Variants in RECK observed in about 807,000 individuals in gnomAD.
The protein encoded by RECK is reversion-inducing cysteine-rich protein with Kazal motifs.
In RECK, 69 loss-of-function variants were observed where a neutral mutation model predicts 115.1. That is an observed-to-expected ratio of 0.60 (90% CI 0.49 to 0.73). RECK has a LOEUF of 0.73. RECK is among the 30% of genes least tolerant of loss of function. The pLI, the probability that RECK is intolerant of heterozygous loss-of-function variation, is 0.00. For missense variants in RECK, 1,047 were observed against 1,203.7 expected, an observed-to-expected ratio of 0.87 and a Z score of 1.93; for synonymous variants, 414 against 419.7, an observed-to-expected ratio of 0.99 and a Z score of 0.17.
At chr9:36,099,831 T>C (rs539721001) in intron 10 of RECK, among the ~76,000 whole-genome samples, 1 of 152,266 alleles carries the variant, frequency 6.6e-6, no homozygotes, top group Non-Finnish European at 1.5e-5. Context: ...TAAATAGTTA[T>C]GGCCTCTGAG....
chr9:36,100,680 T>G (rs1247446655), intron 11 of RECK, 137 bp downstream of exon 11: 1 of 607,672 alleles, frequency 1.6e-6, no homozygotes, highest in Non-Finnish European at 2.9e-6. Flanking sequence ...GCTTTCCCAC[T>G]TTTTCCTCCT....
At position 36,121,669 on chromosome 9, in the gene RECK, A is replaced by G. The variant is rs777664012; in HGVS notation, c.2675A>G (p.His892Arg). The change falls in exon 20 of 21, where the codon CAC becomes CGC. Residue 892 changes from histidine to arginine, a missense_variant. Transcript: ENST00000377966. ...GTGATCCTGATCATTCCCGTCGATC[A>G]CTATCCAAAAGCTCTGCAGGTGAGT... ...EIVILIIPVD[H>R]YPKALQIEAC... 72 of 1,614,012 alleles carry G rather than the reference A, an allele frequency of 4.5e-5. No homozygotes were observed. In the East Asian group the frequency reaches 1.5e-3, roughly 34 times the overall value.
At chr9:36,040,517 A>G (rs1037577735) in intron 1 of RECK, among the ~76,000 whole-genome samples, 1 of 152,168 alleles carries the variant, frequency 6.6e-6, no homozygotes, top group Non-Finnish European at 1.5e-5. Flanking sequence ...AAAAAACCAC[A>G]TAAGGATTAT....
At chr9:36,058,302 C>T (rs1179352170) in intron 2 of RECK, among the ~76,000 whole-genome samples, 9 of 149,654 alleles carry the variant, frequency 6.0e-5, no homozygotes, top group Non-Finnish European at 1.0e-4. Context: ...CACATATACA[C>T]CATGGAATAC....
chr9:36,107,970 G>A lies in RECK; in HGVS notation c.1577-6G>A, dbSNP rs367694777. 1 of 1,606,640 alleles carries A rather than the reference G, an allele frequency of 6.2e-7. No homozygotes were observed. The highest frequency in any genetic ancestry group is 1.1e-5 in the South Asian group (1 of 89,860). The stretch of plus-strand genomic sequence containing the variant: ...CATCTCTCTCAGCTAATTTTTGCTT[G>A]TACAGGTTGCAAACTGGGAGAAGCT... On this transcript the variant is annotated splice_region_variant and splice_polypyrimidine_tract_variant and intron_variant, in intron 13 of 20. Transcript: ENST00000377966.
At chr9:36,046,656 C>G (rs760792142) in intron 1 of RECK, among the ~76,000 whole-genome samples, 21 of 152,144 alleles carry the variant, frequency 1.4e-4, no homozygotes, top group Admixed American at 5.9e-4. Context: ...AGGCTTCCCT[C>G]TTTCATCCCA....
At chr9:36,098,075 G>A (rs961765231) in intron 10 of RECK, among the ~76,000 whole-genome samples, 5 of 152,024 alleles carry the variant, frequency 3.3e-5, no homozygotes, top group Non-Finnish European at 4.4e-5. Context: ...AGAGGGGAGA[G>A]GATTGGGAAA....
chr9:36,074,818 A>T (rs1440430477), intron 6 of RECK, among the ~76,000 whole-genome samples: 1 of 152,224 alleles, frequency 6.6e-6, no homozygotes, highest in Non-Finnish European at 1.5e-5. Flanking sequence ...ATAATGTTGT[A>T]TAGTAAACCA....
chr9:36,123,882 AG>A lies in RECK; in HGVS notation c.*838del, dbSNP rs1824548122. On this transcript the variant is annotated 3_prime_UTR_variant, in exon 21 of 21. Coordinates refer to ENST00000377966, the MANE Select transcript of RECK (RefSeq NM_021111.3). ...GCTGCTACTTATATAATTGCCAAAA[AG>A]TGAAATAATGTGTAGTTCATGTAAA... is the stretch of plus-strand genomic sequence containing the variant. The A allele has an allele frequency of 6.5e-6, 1 of 152,804 alleles. No individual in the cohort carries two copies. Among genetic ancestry groups the A allele is most frequent in the South Asian group, 2.1e-4 (1 of 4,832 alleles). 9.5% of individuals were successfully genotyped at this position (152,804 alleles called of 1,614,324 possible).
chr9:36,081,351 T>G lies in RECK; in HGVS notation c.439+713T>G, dbSNP rs114399057. ...TCTAACTGAGGCTTAGTTCAAGATTTTCCAGGTAGTCTCAGGCATGTAATC... is the reference window on the plus strand; with the variant it reads ...TCTAACTGAGGCTTAGTTCAAGATTGTCCAGGTAGTCTCAGGCATGTAATC... On this transcript the variant is annotated intron_variant, in intron 7 of 20. Transcript: ENST00000377966. Among the ~76,000 whole-genome samples, 1,111 of 152,306 alleles carry G rather than the reference T, an allele frequency of 7.3e-3. 12 individuals are homozygous for G. Among genetic ancestry groups the G allele is most frequent in the African/African-American group, 0.024 (991 of 41,562 alleles).
At chr9:36,049,598 C>A (rs1027710111) in intron 1 of RECK, among the ~76,000 whole-genome samples, 1 of 152,310 alleles carries the variant, frequency 6.6e-6, no homozygotes, top group East Asian at 1.9e-4. Context: ...CATGGGCCAC[C>A]GTTTGGGCAA....
At chr9:36,053,185 G>A (rs1821377131) in intron 2 of RECK, among the ~76,000 whole-genome samples, 1 of 152,130 alleles carries the variant, frequency 6.6e-6, no homozygotes, top group Admixed American at 6.5e-5. Context: ...ATTCTTAAAA[G>A]TTGTCTGTAG....
chr9:36,101,130 C>T (rs1823552419), intron 11 of RECK, among the ~76,000 whole-genome samples: 1 of 152,020 alleles, frequency 6.6e-6, no homozygotes, highest in Non-Finnish European at 1.5e-5. Flanking sequence ...TGTTTGTATT[C>T]TTAGTAGAGA....
intron 10 of RECK, among the ~76,000 whole-genome samples, chr9:36,096,750 T>C (rs1823356291): frequency 6.6e-6 from 1 of 152,138 alleles, no homozygotes; most frequent in African/African-American, 2.4e-5. Context: ...ACAAACTTTG[T>C]GTGGGCAAAG....
chr9:36,079,321 T>C (rs1310295942), intron 6 of RECK, among the ~76,000 whole-genome samples: 4 of 152,166 alleles, frequency 2.6e-5, no homozygotes, highest in African/African-American at 9.7e-5. Flanking sequence ...GAAGGAAACA[T>C]GAATGAAGAG....
At chr9:36,081,845 A>AG (rs1822708101) in intron 7 of RECK, among the ~76,000 whole-genome samples, 1 of 151,688 alleles carries the variant, frequency 6.6e-6, no homozygotes. Flanking sequence ...AAAAAAAAAA[A>AG]AAAATTTGTT....
chr9:36,038,002 T>TAAA lies in RECK; in HGVS notation c.100+921_100+923dup, dbSNP rs370999682. 1.8e-3 allele frequency among the ~76,000 whole-genome samples: 199 copies of TAAA among 112,476 alleles called. 2 individuals are homozygous for TAAA. The highest frequency in any genetic ancestry group is 2.5e-3 in the Non-Finnish European group (140 of 55,432). 73.8% of individuals were successfully genotyped at this position (112,476 alleles called of 152,430 possible). A position where few individuals can be genotyped will look rare whatever the true frequency, so the allele number is the denominator to read the frequency against. ...TACAGGGAGACAGGCAGAGACACCT[T>TAAA]AAAAAAAAAAAAAAAAAAAGCAAAG... On this transcript the variant is annotated intron_variant, in intron 1 of 20. Transcript: ENST00000377966.
chr9:36,080,002 A>T (rs1044370613), intron 6 of RECK, among the ~76,000 whole-genome samples: 1 of 152,146 alleles, frequency 6.6e-6, no homozygotes, highest in Non-Finnish European at 1.5e-5. Flanking sequence ...CTGAGGAAAC[A>T]GTTTCTTCAT....
rs756720942 is a variant in RECK, at chr9:36,123,689, A to G, written c.*644A>G. The stretch of plus-strand genomic sequence containing the variant: ...CTCATATAATTATATGTTGTAAGCA[A>G]CAGGCTCACTGGTCACGGATTTGTG... On this transcript the variant is annotated 3_prime_UTR_variant, in exon 21 of 21. Coordinates refer to ENST00000377966, the MANE Select transcript of RECK (RefSeq NM_021111.3). 6.6e-6 allele frequency: 1 copy of G among 152,262 alleles called. No homozygotes were observed. The highest frequency in any genetic ancestry group is 1.5e-5 in the Non-Finnish European group (1 of 68,050). 9.4% of individuals were successfully genotyped at this position (152,262 alleles called of 1,614,324 possible).
Sources: gnomAD v4.1 joint callset for allele counts (sites outside exome capture counted in the v4.1 genomes callset) on GRCh38, gnomAD v4.1.1 for gene constraint, MANE v1.5 for transcripts, NCBI Gene and HGNC (gene_info 2026-07-23, HGNC 2026-07-21) for gene names.